The following GNG7 variants were observed in gnomAD, a reference collection of about 807,000 sequenced individuals.
GNG7 encodes the protein G protein subunit gamma 7.
A neutral mutation model predicts 4.0 loss-of-function variants in GNG7; 1 was observed. That is an observed-to-expected ratio of 0.25 (90% CI 0.09 to 1.18). The LOEUF (loss-of-function observed/expected upper bound fraction) is 1.18. Among genes scored for constraint, GNG7 ranks in the 50% most tolerant of loss-of-function variants. GNG7 has a pLI of 0.50. For missense variants in GNG7, 86 were observed against 91.9 expected, an observed-to-expected ratio of 0.94 and a Z score of 0.26; for synonymous variants, 34 against 36.9, an observed-to-expected ratio of 0.92 and a Z score of 0.29.
chr19:2,689,885 G>C (rs1038613841), intron 1 of GNG7, among the ~76,000 whole-genome samples: 3 of 152,030 alleles, frequency 2.0e-5, no homozygotes, highest in African/African-American at 7.3e-5. Flanking sequence ...CCTTGCGGTG[G>C]AGCCACTCTC....
chr19:2,591,075 T>C (rs1372404398), intron 2 of GNG7, among the ~76,000 whole-genome samples: 3 of 152,234 alleles, frequency 2.0e-5, no homozygotes, highest in Non-Finnish European at 4.4e-5. Flanking sequence ...TTTTTCAAAG[T>C]TGAGCACGAT....
intron 1 of GNG7, among the ~76,000 whole-genome samples, chr19:2,654,184 G>A (rs1249822361): frequency 6.6e-6 from 1 of 152,128 alleles, no homozygotes; most frequent in Non-Finnish European, 1.5e-5. Flanking sequence ...GAGGCGGAGA[G>A]GAAAGACGAG....
At chr19:2,668,071 T>C (rs1263181178) in intron 1 of GNG7, among the ~76,000 whole-genome samples, 1 of 152,198 alleles carries the variant, frequency 6.6e-6, no homozygotes, top group African/African-American at 2.4e-5. Flanking sequence ...AATGAAGATG[T>C]ATCAATACTG....
chr19:2,517,293 T>C (rs1972749228), intron 4 of GNG7, among the ~76,000 whole-genome samples: 1 of 152,112 alleles, frequency 6.6e-6, no homozygotes. Context: ...TTCTCCCGCC[T>C]CAGCTGGGAG....
In GNG7 at chr19:2,628,100, G is replaced by A. The variant is rs533836457; in HGVS notation, c.-78+18124C>T. Among the ~76,000 whole-genome samples, 4 of 152,278 alleles carry A rather than the reference G, an allele frequency of 2.6e-5. No homozygotes were observed. In the East Asian group the frequency reaches 5.8e-4, roughly 22 times the overall value. On this transcript the variant is annotated intron_variant, in intron 2 of 4. Coordinates refer to ENST00000382159, the MANE Select transcript of GNG7 (RefSeq NM_052847.3). Reference sequence around the variant, plus strand: ...GAGATCATTATCTCAATCTCAACATGGCAAACAACACGGCAAGTGTATGAG... The same window carrying A: ...GAGATCATTATCTCAATCTCAACATAGCAAACAACACGGCAAGTGTATGAG...
intron 2 of GNG7, among the ~76,000 whole-genome samples, chr19:2,559,660 A>T (rs923128101): frequency 9.0e-5 from 13 of 143,970 alleles, no homozygotes; most frequent in Admixed American, 6.3e-4. Context: ...GATTACAGGC[A>T]TGCACCGCCA....
At chr19:2,516,161 G>C (rs970841363) in intron 4 of GNG7, among the ~76,000 whole-genome samples, 3 of 151,996 alleles carry the variant, frequency 2.0e-5, no homozygotes, top group Non-Finnish European at 4.4e-5. Flanking sequence ...AGGCTGCAGT[G>C]AGTCAAGATT....
At chr19:2,677,760 A>G (rs947394891) in intron 1 of GNG7, among the ~76,000 whole-genome samples, 2 of 151,648 alleles carry the variant, frequency 1.3e-5, no homozygotes, top group African/African-American at 4.8e-5. Flanking sequence ...TCTGCCCCCC[A>G]TGGGGCACTG....
intron 2 of GNG7, among the ~76,000 whole-genome samples, chr19:2,606,528 G>A (rs567023451): frequency 7.2e-5 from 11 of 152,062 alleles, no homozygotes; most frequent in East Asian, 3.9e-4. Context: ...GGTGGTGCAC[G>A]CCTGTAATCC....
intron 2 of GNG7, among the ~76,000 whole-genome samples, chr19:2,625,339 T>C (rs940186588): frequency 1.3e-5 from 2 of 152,196 alleles, no homozygotes; most frequent in African/African-American, 4.8e-5. Flanking sequence ...CCCAAAGCAC[T>C]GGGATTATAG....
At chr19:2,615,372 C>T (rs1218771576) in intron 2 of GNG7, among the ~76,000 whole-genome samples, 1 of 151,920 alleles carries the variant, frequency 6.6e-6, no homozygotes, top group Non-Finnish European at 1.5e-5. Context: ...GATGTCCTCT[C>T]CTTAGAGACC....
At chr19:2,596,230 A>G (rs1388294561) in intron 2 of GNG7, among the ~76,000 whole-genome samples, 1 of 152,048 alleles carries the variant, frequency 6.6e-6, no homozygotes, top group Non-Finnish European at 1.5e-5. Context: ...GCGGTGGTGC[A>G]TGCCTGTAAT....
At chr19:2,566,596 C>T (rs1414304775) in intron 2 of GNG7, among the ~76,000 whole-genome samples, 1 of 152,148 alleles carries the variant, frequency 6.6e-6, no homozygotes. Context: ...CCTCCTTCCC[C>T]TCCCACCCCC....
rs145392724 is a variant in GNG7 at position 2,587,105 on chromosome 19, C to T, written c.-77-31917G>A. ...CTAATTTTTGGCCCCAGACGTCACC[C>T]GATGTCCCCCAGGGGCTAGGATCAG... On this transcript the variant is annotated intron_variant, in intron 2 of 4. Coordinates refer to ENST00000382159, the MANE Select transcript of GNG7 (RefSeq NM_052847.3). Among the ~76,000 whole-genome samples the T allele has an allele frequency of 3.2e-3, 487 of 152,168 alleles. 3 individuals are homozygous for T. Among genetic ancestry groups the T allele is most frequent in the African/African-American group, 9.8e-3 (407 of 41,498 alleles).
intron 2 of GNG7, among the ~76,000 whole-genome samples, chr19:2,558,825 G>A (rs1031641099): frequency 2.7e-5 from 4 of 146,258 alleles, no homozygotes; most frequent in Admixed American, 7.0e-5. Flanking sequence ...TTTGGGACAG[G>A]TGTCATTTTG....
At chr19:2,590,718 C>T (rs1980825588) in intron 2 of GNG7, among the ~76,000 whole-genome samples, 1 of 151,118 alleles carries the variant, frequency 6.6e-6, no homozygotes, top group Non-Finnish European at 1.5e-5. Flanking sequence ...CCCATTCATC[C>T]ATCCATCCAT....
chr19:2,553,658 T>G (rs62121719), intron 3 of GNG7, among the ~76,000 whole-genome samples: 3 of 92,300 alleles, frequency 3.3e-5, no homozygotes, highest in Non-Finnish European at 2.5e-5. Context: ...ATTACATACA[T>G]GCACACGTTA....
intron 1 of GNG7, among the ~76,000 whole-genome samples, chr19:2,662,120 C>T (rs973133790): frequency 2.0e-5 from 3 of 151,846 alleles, no homozygotes; most frequent in South Asian, 2.1e-4. Context: ...ATTAGCCAGG[C>T]GTGGTTGTGG....
At chr19:2,627,851 C>G (rs1982059437) in intron 2 of GNG7, among the ~76,000 whole-genome samples, 1 of 152,188 alleles carries the variant, frequency 6.6e-6, no homozygotes, top group Admixed American at 6.5e-5. Context: ...CACCTGTGTG[C>G]AGGAGGTCAG....
Sources: gnomAD v4.1 joint callset for allele counts (sites outside exome capture counted in the v4.1 genomes callset) on GRCh38, gnomAD v4.1.1 for gene constraint, MANE v1.5 for transcripts, NCBI Gene and HGNC (gene_info 2026-07-23, HGNC 2026-07-21) for gene names.